The following SRP19 variants were observed in gnomAD, a reference collection of about 807,000 sequenced individuals.
SRP19 encodes signal recognition particle 19.
Under a neutral mutation model 22.4 loss-of-function variants are expected in SRP19, and 11 were observed. The observed-to-expected ratio is 0.49, with a 90% CI of 0.31 to 0.81. The LOEUF is 0.81. SRP19 is among the 40% of genes least tolerant of loss of function. The pLI, the probability that SRP19 is intolerant of heterozygous loss-of-function variation, is 0.05. For synonymous variants in SRP19, 61 were observed against 57.6 expected, an observed-to-expected ratio of 1.06 and a Z score of -0.27; for missense variants, 168 against 175.9, an observed-to-expected ratio of 0.96 and a Z score of 0.25.
At chr5:112,881,939 GTT>G (rs111457700) in intron 4 of SRP19, 15 of 142,422 alleles carry the variant, frequency 1.1e-4, no homozygotes, top group Non-Finnish European at 1.2e-4. Context: ...TAATTTTTGT[GTT>G]TTTTTTTTTT....
At chr5:112,880,610 A>C (rs762084578) in intron 4 of SRP19, among the ~76,000 whole-genome samples, 4 of 152,256 alleles carry the variant, frequency 2.6e-5, no homozygotes, top group Admixed American at 2.6e-4. Context: ...AAAAGCTTTG[A>C]GAAAAGTCTA....
chr5:112,876,237 A>T (rs1387849767), intron 4 of SRP19: 2 of 152,212 alleles, frequency 1.3e-5, no homozygotes, highest in Non-Finnish European at 2.9e-5. Context: ...GTAGGCAAGA[A>T]CCACCAGGAG....
downstream of SRP19, chr5:112,897,351 T>TCACACACGCA (rs1554093939): frequency 1.0e-5 from 1 of 97,790 alleles, no homozygotes; most frequent in East Asian, 2.4e-4. Context: ...ACACATCCCA[T>TCACACACGCA]CACACACACA....
intron 4 of SRP19, among the ~76,000 whole-genome samples, chr5:112,866,209 C>T (rs568154468): frequency 2.6e-5 from 4 of 152,038 alleles, no homozygotes; most frequent in South Asian, 2.1e-4. Context: ...CTCCGCCTCC[C>T]GGGTTCAAGT....
At position 112,862,439 on chromosome 5, in the gene SRP19, T is replaced by C. The variant is rs1017034250; in HGVS notation, c.42-69T>C. Reference sequence around the variant, plus strand: ...CAGCATGAATTGGCCTTTGGTTCCCTGCCACCCGACCCTTTTCTCCTGCCT... The same window carrying C: ...CAGCATGAATTGGCCTTTGGTTCCCCGCCACCCGACCCTTTTCTCCTGCCT... On this transcript the variant is annotated intron_variant, in intron 1 of 4. Coordinates refer to ENST00000505459, the MANE Select transcript of SRP19 (RefSeq NM_003135.3). 2.1e-6 allele frequency: 3 copies of C among 1,420,438 alleles called. No individual in the cohort carries two copies. The Admixed American group carries it at 5.1e-5, about 24-fold the overall frequency. 88.0% of individuals were successfully genotyped at this position (1,420,438 alleles called of 1,614,324 possible). A position where few individuals can be genotyped will look rare whatever the true frequency, so the allele number is the denominator to read the frequency against.
At chr5:112,867,274 T>C in intron 4 of SRP19, 130 bp from the exon 5 acceptor site, 3 of 1,109,536 alleles carry the variant, frequency 2.7e-6, no homozygotes, top group Non-Finnish European at 3.7e-6. Flanking sequence ...CATTTGATTT[T>C]TGATTTTTTA....
downstream of SRP19, chr5:112,896,039 A>G (rs75980664): frequency 6.2e-4 from 94 of 152,712 alleles, no homozygotes; most frequent in African/African-American, 2.1e-3. Flanking sequence ...CCCAGAAGAG[A>G]TATTTCCCAG....
intron 4 of SRP19, 110 bp from the exon 5 acceptor site, chr5:112,867,294 T>C: frequency 4.6e-6 from 6 of 1,311,500 alleles, no homozygotes; most frequent in Non-Finnish European, 6.2e-6. Flanking sequence ...AAAAAAGTTA[T>C]TTTCCATTTT....
At chr5:112,864,374 A>C in intron 2 of SRP19, 83 bp from the exon 3 acceptor site, 2 of 1,164,244 alleles carry the variant, frequency 1.7e-6, no homozygotes, top group Non-Finnish European at 2.5e-6. Flanking sequence ...GTTTGATTAT[A>C]GTATTTGAAA....
At chr5:112,889,302 A>T (rs1161309073) in intron 4 of SRP19, among the ~76,000 whole-genome samples, 1 of 150,988 alleles carries the variant, frequency 6.6e-6, no homozygotes, top group Non-Finnish European at 1.5e-5. Context: ...CTATAGCTGT[A>T]TGCTTAAGAA....
At chr5:112,878,125 A>G (rs1323499833) in intron 4 of SRP19, 1 of 152,398 alleles carries the variant, frequency 6.6e-6, no homozygotes, top group African/African-American at 2.4e-5. Flanking sequence ...AACCAGGCCA[A>G]TCTCCATTCG....
At chr5:112,879,566 C>G (rs193237910) in intron 4 of SRP19, among the ~76,000 whole-genome samples, 2 of 152,110 alleles carry the variant, frequency 1.3e-5, no homozygotes, top group East Asian at 1.9e-4. Context: ...CTCTGCCTCC[C>G]GGGTTCATGC....
At chr5:112,893,522 C>CGAGA, downstream of SRP19, 3 of 155,492 alleles carry the variant, frequency 1.9e-5, no homozygotes, top group South Asian at 2.0e-4. Flanking sequence ...TAAGCCAGGC[C>CGAGA]TCTCTTCACC....
exon 5 of SRP19, chr5:112,892,293 G>A (rs1382331560): frequency 2.5e-6 from 4 of 1,613,980 alleles, no homozygotes; most frequent in Non-Finnish European, 3.4e-6. Flanking sequence ...GAATGGAGCA[G>A]TGCAGGAGGG....
chr5:112,876,931 A>G (rs900870869), intron 4 of SRP19: 1 of 152,208 alleles, frequency 6.6e-6, no homozygotes, highest in Non-Finnish European at 1.5e-5. Flanking sequence ...ATCTTGTCTG[A>G]TAATATATTC....
Position 112,867,704 on chromosome 5 carries a change from A to G in SRP19, c.*167A>G. On this transcript the variant is annotated 3_prime_UTR_variant, in exon 5 of 5. Coordinates refer to ENST00000505459, the MANE Select transcript of SRP19 (RefSeq NM_003135.3). ...GGAGTTGACAGTGAAACAAATTTAC[A>G]TCAGAAGTTTGCATCTCGCGTATAT... 1.5e-6 allele frequency: 2 copies of G among 1,352,262 alleles called. No homozygotes were observed. The highest frequency in any genetic ancestry group is 1.9e-6 in the Non-Finnish European group (2 of 1,049,866). 83.8% of individuals were successfully genotyped at this position (1,352,262 alleles called of 1,614,324 possible).
downstream of SRP19, among the ~76,000 whole-genome samples, chr5:112,873,754 C>T (rs1767810275): frequency 7.4e-6 from 1 of 134,466 alleles, no homozygotes; most frequent in Admixed American, 7.9e-5. Flanking sequence ...GATTTATAGT[C>T]TTATTGTTTC....
At chr5:112,878,854 G>A (rs1478608583) in intron 4 of SRP19, 3 of 1,613,880 alleles carry the variant, frequency 1.9e-6, no homozygotes, top group Non-Finnish European at 2.5e-6. Context: ...TTGTTAGGAG[G>A]GAAAGAAAAA....
intron 4 of SRP19, among the ~76,000 whole-genome samples, chr5:112,887,585 G>C (rs1455057180): frequency 2.0e-5 from 3 of 152,012 alleles, no homozygotes; most frequent in Admixed American, 2.0e-4. Flanking sequence ...GCCTGTGCTT[G>C]GTAGGCTTAT....
Sources: gnomAD v4.1 joint callset for allele counts (sites outside exome capture counted in the v4.1 genomes callset) on GRCh38, gnomAD v4.1.1 for gene constraint, MANE v1.5 for transcripts, NCBI Gene and HGNC (gene_info 2026-07-23, HGNC 2026-07-21) for gene names.